Variants in MINDY2 observed in about 807,000 individuals in gnomAD.
The protein encoded by MINDY2 is MINDY lysine 48 deubiquitinase 2, also known as ubiquitin carboxyl-terminal hydrolase MINDY-2.
A neutral mutation model predicts 68.2 loss-of-function variants in MINDY2; 52 were observed. The ratio of observed to expected loss-of-function variants is 0.76; its 90% confidence interval spans 0.61 to 0.96. The LOEUF is 0.96. MINDY2 is among the 40% of genes least tolerant of loss of function. The pLI, the probability that MINDY2 is intolerant of heterozygous loss-of-function variation, is 0.00. For synonymous variants in MINDY2, 372 were observed against 303.0 expected (o/e 1.23, Z -2.36); for missense variants, 881 against 773.4 (o/e 1.14, Z -1.65).
intron 4 of MINDY2, among the ~76,000 whole-genome samples, chr15:58,819,652 G>A (rs1425082379): frequency 6.6e-6 from 1 of 152,130 alleles, no homozygotes. Flanking sequence ...CCAACTTAGT[G>A]TAGCTATATT....
intron 1 of MINDY2, among the ~76,000 whole-genome samples, chr15:58,782,911 G>GTTTGTTTTTTTTTTTTTTTTTTTTT (rs1901242442): frequency 1.6e-5 from 1 of 64,470 alleles, no homozygotes; most frequent in Non-Finnish European, 2.6e-5. Flanking sequence ...TTTTCTCTCT[G>GTTTGTTTTTTTTTTTTTTTTTTTTT]TTTTTTTTTT....
chr15:58,854,235 C>G (rs1209254818), intron 8 of MINDY2, among the ~76,000 whole-genome samples: 1 of 148,708 alleles, frequency 6.7e-6, no homozygotes, highest in Non-Finnish European at 1.5e-5. Flanking sequence ...CGGTGCAAGA[C>G]TCTGTCTCAA....
chr15:58,801,256 G>A (rs1345960184), intron 2 of MINDY2, among the ~76,000 whole-genome samples: 2 of 151,780 alleles, frequency 1.3e-5, no homozygotes, highest in East Asian at 3.9e-4. Flanking sequence ...TTATAGGCAT[G>A]AGCCATCATG....
intron 5 of MINDY2, among the ~76,000 whole-genome samples, chr15:58,830,455 G>A (rs2031649648): frequency 6.6e-6 from 1 of 152,114 alleles, no homozygotes; most frequent in Admixed American, 6.6e-5. Context: ...GCTCATTGGA[G>A]GATTTCAGAT....
At chr15:58,784,316 C>T (rs1162923584) in intron 1 of MINDY2, among the ~76,000 whole-genome samples, 2 of 151,956 alleles carry the variant, frequency 1.3e-5, no homozygotes, top group Non-Finnish European at 2.9e-5. Flanking sequence ...ACAGTGAGAA[C>T]ATGATGTCTT....
chr15:58,786,217 C>T (rs766293485), intron 1 of MINDY2, among the ~76,000 whole-genome samples: 1 of 152,090 alleles, frequency 6.6e-6, no homozygotes. Context: ...AACGTAAACA[C>T]CTAGAGGACC....
chr15:58,772,649 C>G (rs1900511432), intron 1 of MINDY2, among the ~76,000 whole-genome samples: 1 of 152,150 alleles, frequency 6.6e-6, no homozygotes, highest in Non-Finnish European at 1.5e-5. Context: ...ACTAAGTTTT[C>G]ATGGTTATAT....
intron 3 of MINDY2, among the ~76,000 whole-genome samples, chr15:58,808,389 C>T (rs1434556381): frequency 6.6e-6 from 1 of 152,114 alleles, no homozygotes; most frequent in Non-Finnish European, 1.5e-5. Flanking sequence ...TCCCTTAATC[C>T]TTGGCAACCA....
chr15:58,813,552 C>T (rs1275320740), intron 4 of MINDY2, among the ~76,000 whole-genome samples: 15 of 152,062 alleles, frequency 9.9e-5, no homozygotes, highest in African/African-American at 3.6e-4. Flanking sequence ...GGTTAAATGC[C>T]CAGGAGTGCA....
rs1440419338 is a variant in MINDY2, at chr15:58,856,786, C to A, written c.*2176C>A. On this transcript the variant is annotated 3_prime_UTR_variant, in exon 9 of 9. Coordinates refer to ENST00000559228, the MANE Select transcript of MINDY2 (RefSeq NM_001040450.3). ...TTATATTTGAATAAGAAAAACAAAC[C>A]AGTATACCTTGAGAAATTTTAAAAA... The A allele has an allele frequency of 1.3e-5, 2 of 152,130 alleles. No homozygotes were observed. Among genetic ancestry groups the A allele is most frequent in the African/African-American group, 4.8e-5 (2 of 41,418 alleles). 9.4% of individuals were successfully genotyped at this position (152,130 alleles called of 1,614,324 possible). A position where few individuals can be genotyped will look rare whatever the true frequency, so the allele number is the denominator to read the frequency against.
chr15:58,771,734 G>T lies in MINDY2; in HGVS notation c.339G>T (p.Glu113Asp). The change falls in exon 1 of 9, where the codon GAG becomes GAT. Residue 113 changes from glutamate to aspartate, a missense_variant. Transcript: ENST00000559228. ...RGQYKVTASP[E>D]TAVAGVGHEL... Reference sequence around the variant, plus strand: ...AGTACAAGGTGACCGCCTCCCCGGAGACAGCCGTGGCCGGAGTGGGTCATG... The same window carrying T: ...AGTACAAGGTGACCGCCTCCCCGGATACAGCCGTGGCCGGAGTGGGTCATG... The T allele has an allele frequency of 6.2e-7, 1 of 1,611,992 alleles. No homozygotes were observed. Among genetic ancestry groups the T allele is most frequent in the East Asian group, 2.2e-5 (1 of 44,862 alleles).
At chr15:58,804,937 G>A (rs562717510) in intron 3 of MINDY2, among the ~76,000 whole-genome samples, 2 of 152,266 alleles carry the variant, frequency 1.3e-5, no homozygotes, top group East Asian at 3.9e-4. Flanking sequence ...AGACCAATCC[G>A]GGTGTGATAT....
At chr15:58,831,084 C>T (rs1476683696) in intron 5 of MINDY2, among the ~76,000 whole-genome samples, 1 of 142,166 alleles carries the variant, frequency 7.0e-6, no homozygotes, top group Non-Finnish European at 1.5e-5. Flanking sequence ...CCCCGGATCA[C>T]TTCTGTATAT....
chr15:58,786,017 AATG>A (rs1290763409), intron 1 of MINDY2, among the ~76,000 whole-genome samples: 1 of 152,184 alleles, frequency 6.6e-6, no homozygotes, highest in East Asian at 1.9e-4. Context: ...TTTAGAATGA[AATG>A]ATGATCAAAC....
chr15:58,838,929 A>C (rs1226140146), intron 6 of MINDY2, among the ~76,000 whole-genome samples: 2 of 152,014 alleles, frequency 1.3e-5, no homozygotes, highest in African/African-American at 4.8e-5. Context: ...CTAAGTATTC[A>C]TGATTATATT....
At chr15:58,808,756 C>G (rs2030001354) in intron 3 of MINDY2, among the ~76,000 whole-genome samples, 1 of 152,146 alleles carries the variant, frequency 6.6e-6, no homozygotes. Context: ...AGGTGCCCAC[C>G]ACCATGCCCG....
intron 2 of MINDY2, among the ~76,000 whole-genome samples, chr15:58,796,679 T>G (rs777412032): frequency 3.3e-5 from 5 of 152,142 alleles, no homozygotes; most frequent in Non-Finnish European, 5.9e-5. Context: ...ACCGCCACCA[T>G]GCCCAGCTAA....
chr15:58,834,314 C>G (rs1443395881), intron 6 of MINDY2, among the ~76,000 whole-genome samples: 1 of 152,168 alleles, frequency 6.6e-6, no homozygotes, highest in Admixed American at 6.6e-5. Flanking sequence ...ACTCCTTAAT[C>G]CCTGTTTGGA....
intron 4 of MINDY2, among the ~76,000 whole-genome samples, chr15:58,813,931 CTTTTT>C (rs60131191): frequency 2.4e-5 from 3 of 126,986 alleles, no homozygotes; most frequent in Admixed American, 8.1e-5. Flanking sequence ...ACTTGCATTT[CTTTTT>C]TTTTTTTTTT....
Sources: gnomAD v4.1 joint callset for allele counts (sites outside exome capture counted in the v4.1 genomes callset) on GRCh38, gnomAD v4.1.1 for gene constraint, MANE v1.5 for transcripts, NCBI Gene and HGNC (gene_info 2026-07-23, HGNC 2026-07-21) for gene names.